The following CHST11 variants were observed in gnomAD, a reference collection of about 807,000 sequenced individuals.
CHST11 encodes carbohydrate sulfotransferase 11, also known as C4S-1.
CHST11 carries 9 observed loss-of-function variants against 30.4 expected under a neutral mutation model. That is an observed-to-expected ratio of 0.30 (90% confidence interval 0.18 to 0.52). The LOEUF is 0.52. Among genes scored for constraint, CHST11 ranks in the 20% least tolerant of loss-of-function variants. The pLI is 0.97. For synonymous variants in CHST11, 152 were observed against 187.8 expected (o/e 0.81, Z 1.56); for missense variants, 348 against 460.6 (o/e 0.76, Z 2.24).
chr12:104,480,537 C>A (rs977734269), intron 1 of CHST11, among the ~76,000 whole-genome samples: 63 of 146,364 alleles, frequency 4.3e-4, no homozygotes, highest in African/African-American at 1.6e-3. Context: ...GAGATCGTGC[C>A]ACTGCACCCC....
intron 1 of CHST11, among the ~76,000 whole-genome samples, chr12:104,492,958 G>C (rs1353873708): frequency 6.6e-6 from 1 of 151,320 alleles, no homozygotes; most frequent in Non-Finnish European, 1.5e-5. Context: ...TCTTGAACCC[G>C]GGAGGCGGAG....
intron 2 of CHST11, among the ~76,000 whole-genome samples, chr12:104,717,776 A>AAAC (rs539454570): frequency 6.6e-5 from 10 of 151,266 alleles, no homozygotes; most frequent in Admixed American, 5.9e-4. Flanking sequence ...GCCTCAAAAC[A>AAAC]AACAACAACA....
intron 2 of CHST11, among the ~76,000 whole-genome samples, chr12:104,739,472 A>G (rs2040329148): frequency 6.6e-6 from 1 of 152,116 alleles, no homozygotes; most frequent in African/African-American, 2.4e-5. Flanking sequence ...CATTTTACAG[A>G]TGAGAATGCT....
At chr12:104,664,649 C>T (rs1014095758) in intron 2 of CHST11, among the ~76,000 whole-genome samples, 1 of 152,094 alleles carries the variant, frequency 6.6e-6, no homozygotes, top group African/African-American at 2.4e-5. Context: ...CAGCCCCAGT[C>T]CCCTCCTCGG....
At chr12:104,610,705 G>A (rs2039051894) in intron 2 of CHST11, among the ~76,000 whole-genome samples, 1 of 152,178 alleles carries the variant, frequency 6.6e-6, no homozygotes, top group African/African-American at 2.4e-5. Flanking sequence ...CTGACCGTAG[G>A]AGAGACATCG....
At chr12:104,695,768 C>A (rs556299392) in intron 2 of CHST11, among the ~76,000 whole-genome samples, 2 of 152,190 alleles carry the variant, frequency 1.3e-5, no homozygotes, top group Non-Finnish European at 2.9e-5. Flanking sequence ...CCCAGCTCCC[C>A]CTTCACAGCC....
intron 2 of CHST11, among the ~76,000 whole-genome samples, chr12:104,680,133 G>A (rs1447077287): frequency 1.3e-5 from 2 of 152,222 alleles, no homozygotes; most frequent in East Asian, 1.9e-4. Context: ...GCATAAGGCT[G>A]TGTAATCCTT....
At chr12:104,645,329 G>C (rs1194645586) in intron 2 of CHST11, among the ~76,000 whole-genome samples, 1 of 152,184 alleles carries the variant, frequency 6.6e-6, no homozygotes, top group African/African-American at 2.4e-5. Flanking sequence ...AATCCTCTGA[G>C]GTGGAATCTG....
At chr12:104,588,601 A>G (rs2038828116) in intron 1 of CHST11, among the ~76,000 whole-genome samples, 1 of 152,194 alleles carries the variant, frequency 6.6e-6, no homozygotes, top group African/African-American at 2.4e-5. Flanking sequence ...TCGGGCTCAC[A>G]AACAGCTTTA....
chr12:104,509,700 TGACA>T (rs2037944020), intron 1 of CHST11, among the ~76,000 whole-genome samples: 2 of 152,316 alleles, frequency 1.3e-5, no homozygotes, highest in African/African-American at 4.8e-5. Context: ...AACTCATGAA[TGACA>T]TGAGACATTG....
At chr12:104,507,209 C>A (rs777727796) in intron 1 of CHST11, among the ~76,000 whole-genome samples, 1 of 152,134 alleles carries the variant, frequency 6.6e-6, no homozygotes, top group Admixed American at 6.5e-5. Flanking sequence ...ATGTGAAGTG[C>A]GAGCAGATGG....
At chr12:104,558,221 G>C (rs1315831675) in intron 1 of CHST11, among the ~76,000 whole-genome samples, 1 of 152,188 alleles carries the variant, frequency 6.6e-6, no homozygotes, top group Non-Finnish European at 1.5e-5. Context: ...GGGCATGCCA[G>C]GGCCAGAGCG....
chr12:104,606,179 G>A (rs1489821741), intron 2 of CHST11, among the ~76,000 whole-genome samples: 2 of 135,376 alleles, frequency 1.5e-5, no homozygotes, highest in African/African-American at 5.3e-5. Context: ...GGGGGGCGGG[G>A]GGGGGAATGG....
chr12:104,586,645 G>T (rs11112113), intron 1 of CHST11, among the ~76,000 whole-genome samples: 52,288 of 152,202 alleles, frequency 0.34, 9,116 homozygotes, highest in East Asian at 0.48. Flanking sequence ...GACTTGGAGC[G>T]CCAGGCAGGG....
chr12:104,631,030 C>T (rs1404507218), intron 2 of CHST11, among the ~76,000 whole-genome samples: 1 of 152,160 alleles, frequency 6.6e-6, no homozygotes, highest in Non-Finnish European at 1.5e-5. Flanking sequence ...CAGGAGGAGG[C>T]CCGCCTGGGA....
At chr12:104,639,613 G>A (rs536876134) in intron 2 of CHST11, among the ~76,000 whole-genome samples, 1 of 152,316 alleles carries the variant, frequency 6.6e-6, no homozygotes, top group South Asian at 2.1e-4. Context: ...GGGGAAAGGC[G>A]ATTGTGGGTA....
intron 2 of CHST11, among the ~76,000 whole-genome samples, chr12:104,630,294 A>G (rs1015944438): frequency 2.0e-5 from 3 of 152,176 alleles, no homozygotes; most frequent in African/African-American, 7.2e-5. Flanking sequence ...GCTTTGGGGA[A>G]GTTGCTTAAC....
intron 2 of CHST11, among the ~76,000 whole-genome samples, chr12:104,748,746 C>T (rs2040407862): frequency 6.6e-6 from 1 of 152,160 alleles, no homozygotes; most frequent in South Asian, 2.1e-4. Flanking sequence ...TCGTTTAAGC[C>T]ACCTGGTCTG....
At chr12:104,654,604 A>G (rs1241161171) in intron 2 of CHST11, among the ~76,000 whole-genome samples, 1 of 152,060 alleles carries the variant, frequency 6.6e-6, no homozygotes, top group Admixed American at 6.5e-5. Flanking sequence ...TTGCTTTGCC[A>G]TTCCTATGGG....
Sources: allele counts gnomAD v4.1 joint callset (sites outside exome capture counted in the v4.1 genomes callset), GRCh38; gene constraint gnomAD v4.1.1; transcripts MANE v1.5; gene names NCBI Gene and HGNC (gene_info 2026-07-23, HGNC 2026-07-21).